USP54: variants seen among roughly 807,000 people sequenced by gnomAD.
USP54 encodes ubiquitin carboxyl-terminal hydrolase 54.
Under a neutral mutation model 170.5 loss-of-function variants are expected in USP54, and 87 were observed. The ratio of observed to expected loss-of-function variants is 0.51; its 90% CI spans 0.43 to 0.61. The LOEUF is 0.61. Among genes scored for constraint, USP54 ranks in the 20% least tolerant of loss-of-function variants. The pLI is 0.00. For synonymous variants in USP54, 655 were observed against 742.8 expected, an observed-to-expected ratio of 0.88 and a Z score of 1.92; for missense variants, 1,786 against 2,047.8, an observed-to-expected ratio of 0.87 and a Z score of 2.47.
intron 4 of USP54, among the ~76,000 whole-genome samples, chr10:73,571,217 A>G (rs1250064715): frequency 6.6e-6 from 1 of 152,110 alleles, no homozygotes; most frequent in Non-Finnish European, 1.5e-5. Context: ...TGCATAAGCA[A>G]AAAAGGTTCA....
At chr10:73,586,770 T>C (rs1420473518) in intron 1 of USP54, among the ~76,000 whole-genome samples, 1 of 152,148 alleles carries the variant, frequency 6.6e-6, no homozygotes, top group Non-Finnish European at 1.5e-5. Flanking sequence ...TCTACAACCA[T>C]AAAAAGGGCC....
chr10:73,541,559 C>G lies in USP54; in HGVS notation c.679-38G>C, dbSNP rs1380416667. 5 of 1,613,460 alleles carry G rather than the reference C, an allele frequency of 3.1e-6. No homozygotes were observed. In the African/African-American group the frequency reaches 6.7e-5, roughly 22 times the overall value. On this transcript the variant is annotated intron_variant, in intron 8 of 23. Coordinates refer to ENST00000687698, the MANE Select transcript of USP54 (RefSeq NM_001391956.1). ...TATAAGGCTAGTTCAACATGTTTCC[C>G]ACTGGCTTTGCATCAATTCCACTGA...
intron 3 of USP54, among the ~76,000 whole-genome samples, chr10:73,573,436 A>T (rs1042798266): frequency 6.6e-6 from 1 of 151,882 alleles, no homozygotes; most frequent in South Asian, 2.1e-4. Context: ...CCAGCACATA[A>T]TTTTTTTTTA....
intron 16 of USP54, among the ~76,000 whole-genome samples, chr10:73,524,198 C>T (rs113072048): frequency 2.6e-4 from 39 of 151,960 alleles, no homozygotes; most frequent in African/African-American, 9.4e-4. Flanking sequence ...GTGTGAGCCA[C>T]TGCGCCTGGC....
chr10:73,621,859 A>G (rs908757413), intron 1 of USP54, among the ~76,000 whole-genome samples: 1 of 152,170 alleles, frequency 6.6e-6, no homozygotes, highest in African/African-American at 2.4e-5. Flanking sequence ...TGTATTTAGC[A>G]CCATGCTAAC....
intron 4 of USP54, among the ~76,000 whole-genome samples, chr10:73,548,031 A>T (rs1300771070): frequency 6.6e-6 from 1 of 152,186 alleles, no homozygotes; most frequent in Non-Finnish European, 1.5e-5. Flanking sequence ...AAACAAATTT[A>T]CAAGAAAAAA....
chr10:73,570,553 T>TC (rs1353640043), intron 4 of USP54, among the ~76,000 whole-genome samples: 4 of 147,042 alleles, frequency 2.7e-5, no homozygotes, highest in African/African-American at 9.9e-5. Context: ...CCTTTTTCTT[T>TC]TTTTTTTTTT....
At chr10:73,525,462 G>T (rs2062692194) in intron 16 of USP54, among the ~76,000 whole-genome samples, 1 of 152,158 alleles carries the variant, frequency 6.6e-6, no homozygotes, top group Non-Finnish European at 1.5e-5. Flanking sequence ...GTTGAAGAAC[G>T]CTGTTGGTGA....
At chr10:73,620,714 A>C (rs2081023666) in intron 1 of USP54, among the ~76,000 whole-genome samples, 1 of 149,484 alleles carries the variant, frequency 6.7e-6, no homozygotes. Context: ...AAAGCGGGTC[A>C]ATCATCTGAG....
chr10:73,500,885 A>G (rs1396443267), intron 22 of USP54, 47 bp from the exon 23 acceptor site: 2 of 1,559,488 alleles, frequency 1.3e-6, no homozygotes, highest in Non-Finnish European at 1.7e-6. Flanking sequence ...GGATTAACAC[A>G]AAGCAGGATG....
At chr10:73,550,088 T>C (rs1398635032) in intron 4 of USP54, among the ~76,000 whole-genome samples, 1 of 152,176 alleles carries the variant, frequency 6.6e-6, no homozygotes, top group Non-Finnish European at 1.5e-5. Flanking sequence ...TACACCCGGC[T>C]AAGTTTTGCA....
intron 7 of USP54, among the ~76,000 whole-genome samples, chr10:73,542,473 C>A (rs1343244110): frequency 6.6e-6 from 1 of 152,114 alleles, no homozygotes; most frequent in African/African-American, 2.4e-5. Context: ...CCTGTAATCC[C>A]AGCACTTTGG....
chr10:73,618,586 G>T (rs1232066964), intron 1 of USP54, among the ~76,000 whole-genome samples: 1 of 148,116 alleles, frequency 6.8e-6, no homozygotes. Flanking sequence ...TCTACTAAAA[G>T]TACAAAAATT....
chr10:73,534,720 T>C lies in USP54; in HGVS notation c.1195A>G (p.Ser399Gly). The change falls in exon 12 of 24, where the codon AGC becomes GGC. Residue 399 changes from serine (S) to glycine (G), a missense_variant. Transcript: ENST00000687698. ...SDTRTDSSTE[S>G]YPYKHSHHES... Reference sequence around the variant, plus strand: ...TGGTGGGAATGTTTGTAGGGATAGCTCTCCGTTGAGGAATCTGTTCGAGTG... The same window carrying C: ...TGGTGGGAATGTTTGTAGGGATAGCCCTCCGTTGAGGAATCTGTTCGAGTG... 6.2e-7 allele frequency: 1 copy of C among 1,614,054 alleles called. No homozygotes were observed. Among genetic ancestry groups the C allele is most frequent in the Non-Finnish European group, 8.5e-7 (1 of 1,179,992 alleles).
intron 20 of USP54, among the ~76,000 whole-genome samples, chr10:73,508,974 T>TTTTTG (rs2059713669): frequency 1.4e-5 from 2 of 143,902 alleles, no homozygotes; most frequent in African/African-American, 5.0e-5. Context: ...CAGAACATGT[T>TTTTTG]TTTTTTTTTT....
At chr10:73,514,940 T>A (rs2060816297) in intron 20 of USP54, among the ~76,000 whole-genome samples, 1 of 151,010 alleles carries the variant, frequency 6.6e-6, no homozygotes, top group African/African-American at 2.4e-5. Flanking sequence ...CTTGGGAGGC[T>A]GAGGCAGGAG....
chr10:73,545,644 C>T lies in USP54; in HGVS notation c.269G>A (p.Ser90Asn), dbSNP rs772312043. 1.2e-6 allele frequency: 2 copies of T among 1,614,164 alleles called. No homozygotes were observed. Among genetic ancestry groups the T allele is most frequent in the East Asian group, 2.2e-5 (1 of 44,880 alleles). ...KGIFNQFQCSSEKVLPSDTLR... is the reference protein window; with the variant it reads ...KGIFNQFQCSNEKVLPSDTLR... ...AGTGTCAGATGGAAGCACTTTTTCA[C>T]TACTACACTGAAACTGGTTAAAGAT... The change falls in exon 5 of 24, where the codon AGT becomes AAT. Residue 90 changes from serine (S) to asparagine (N), a missense_variant. Around this residue, in one of 3 missense-constraint regions of USP54, gnomAD observed 361 missense variants for 455.0 expected, o/e 0.79. Transcript: ENST00000687698.
At chr10:73,609,103 T>A (rs2132302529) in intron 1 of USP54, among the ~76,000 whole-genome samples, 1 of 152,326 alleles carries the variant, frequency 6.6e-6, no homozygotes, top group East Asian at 1.9e-4. Flanking sequence ...AATATTAAAA[T>A]GATATTGCGT....
chr10:73,538,367 T>C (rs974769189), intron 10 of USP54: 1 of 151,830 alleles, frequency 6.6e-6, no homozygotes, highest in African/African-American at 2.4e-5. Context: ...CAGTAATCAA[T>C]CTCCCCGAGC....
Sources: gnomAD v4.1 joint callset for allele counts (sites outside exome capture counted in the v4.1 genomes callset) on GRCh38, gnomAD v4.1.1 for gene constraint, gnomAD v4.1.1 regional missense constraint, MANE v1.5 for transcripts, NCBI Gene and HGNC (gene_info 2026-07-23, HGNC 2026-07-21) for gene names.